SPEN: variants seen among roughly 807,000 people sequenced by gnomAD.
SPEN encodes the protein msx2-interacting protein.
In SPEN, 18 loss-of-function variants were observed where a neutral mutation model predicts 269.9. The observed-to-expected ratio is 0.07, with a 90% CI of 0.05 to 0.10. The LOEUF is 0.10. Among genes scored for constraint, SPEN ranks in the 10% least tolerant of loss-of-function variants. The probability of loss-of-function intolerance (pLI) is 1.00; values close to 1 mark genes in which losing one functional copy is unlikely to be tolerated. For synonymous variants in SPEN, 1,726 were observed against 1,765.7 expected (o/e 0.98, Z 0.56); for missense variants, 3,822 against 4,631.2 (o/e 0.83, Z 5.07).
At chr1:15,866,994 A>T (rs149468028) in intron 1 of SPEN, among the ~76,000 whole-genome samples, 1 of 152,320 alleles carries the variant, frequency 6.6e-6, no homozygotes, top group East Asian at 1.9e-4. Context: ...TTAAGCTGTA[A>T]CTCATAAACC....
chr1:15,849,201 A>G (rs2070308451), intron 1 of SPEN, among the ~76,000 whole-genome samples: 1 of 152,228 alleles, frequency 6.6e-6, no homozygotes. Context: ...GTTGTCCTCG[A>G]AAATGACAGT....
chr1:15,932,382 G>T lies in SPEN; in HGVS notation c.6142G>T (p.Ala2048Ser). 6.2e-7 allele frequency: 1 copy of T among 1,614,134 alleles called. No individual in the cohort carries two copies. The highest frequency in any genetic ancestry group is 8.5e-7 in the Non-Finnish European group (1 of 1,180,024). ...TGAACAGAAACGTGACAGAAAAGAT[G>T]CTGGCACAGACAAAAACCCCCCTGA... The part of the protein sequence containing the change: ...GSEQKRDRKD[A>S]GTDKNPPETA... The change falls in exon 11 of 15, where the codon GCT becomes TCT. Residue 2048 changes from alanine (A) to serine (S), a missense_variant. Ala to Ser is a moderately conservative substitution (Grantham distance 99, BLOSUM62 1). Transcript: ENST00000375759. The surrounding 1 kb of genome is among the most constrained non-coding windows in gnomAD (Gnocchi z 4.2).
intron 1 of SPEN, among the ~76,000 whole-genome samples, chr1:15,869,927 C>T (rs938169653): frequency 9.2e-5 from 14 of 151,632 alleles, no homozygotes; most frequent in African/African-American, 1.9e-4. Context: ...AGTGCAGTGG[C>T]GTGGTCTTGT....
chr1:15,851,200 C>T (rs1185129366), intron 1 of SPEN, among the ~76,000 whole-genome samples: 1 of 152,050 alleles, frequency 6.6e-6, no homozygotes, highest in Non-Finnish European at 1.5e-5. Flanking sequence ...GGGTGGATGG[C>T]GATTTGGCTT....
At chr1:15,891,391 G>A (rs935451259) in intron 3 of SPEN, among the ~76,000 whole-genome samples, 43 of 146,692 alleles carry the variant, frequency 2.9e-4, no homozygotes, top group Non-Finnish European at 2.5e-4. Flanking sequence ...TGGCTCTGTC[G>A]CCCAGGCTGG....
rs138629522 is a variant in SPEN, at chr1:15,936,179, C to T, written c.9939C>T (p.Thr3313=). The T allele has an allele frequency of 1.9e-5, 31 of 1,602,376 alleles. No homozygotes were observed. In the African/African-American group the frequency reaches 4.0e-4, roughly 21 times the overall value. Residue 3313 remains threonine (T), a synonymous_variant, in exon 11 of 15, where the codon ACC becomes ACT. Coordinates refer to ENST00000375759, the MANE Select transcript of SPEN (RefSeq NM_015001.3). ...FQEYRYGDIR[T]YHPPAQLTHT... ...AGTACCGGTACGGCGACATCCGCACCTACCACCCCCCGGCCCAGCTCACAC... is the reference window on the plus strand; with the variant it reads ...AGTACCGGTACGGCGACATCCGCACTTACCACCCCCCGGCCCAGCTCACAC...
chr1:15,933,416 C>G lies in SPEN; in HGVS notation c.7176C>G (p.Ser2392=). 6.2e-7 allele frequency: 1 copy of G among 1,614,128 alleles called. No individual in the cohort carries two copies. Among genetic ancestry groups the G allele is most frequent in the Non-Finnish European group, 8.5e-7 (1 of 1,180,024 alleles). ...QEEKQSEKPH[S]TPPQSCTSDL... The stretch of plus-strand genomic sequence containing the variant: ...AAAAGCAGAGTGAGAAACCCCATTC[C>G]ACTCCTCCTCAGTCATGTACTTCTG... The change falls in exon 11 of 15, where the codon TCC becomes TCG. Residue 2392 remains serine (S), a synonymous_variant. Transcript: ENST00000375759. This position sits in a 1 kb window ranked among gnomAD's most constrained non-coding sequence, Gnocchi z 5.7.
intron 5 of SPEN, among the ~76,000 whole-genome samples, chr1:15,914,106 G>C (rs940661872): frequency 1.1e-4 from 17 of 152,174 alleles, no homozygotes; most frequent in African/African-American, 3.6e-4. Context: ...TATGGAGACA[G>C]CTATTATGAG....
chr1:15,932,440 C>T lies in SPEN; in HGVS notation c.6200C>T (p.Pro2067Leu), dbSNP rs546998631. Residue 2067 changes from proline (P) to leucine (L), a missense_variant, in exon 11 of 15, where the codon CCG becomes CTG. By Grantham distance (98) the Pro-to-Leu change is moderately conservative. Transcript: ENST00000375759. The surrounding 1 kb of genome is among the most constrained non-coding windows in gnomAD (Gnocchi z 4.2). ...TAPVEVVEKK[P>L]APEKNSKSKR... ...CCTGTTGAAGTTGTAGAGAAAAAACCGGCCCCTGAAAAAAACTCCAAATCA... is the reference window on the plus strand; with the variant it reads ...CCTGTTGAAGTTGTAGAGAAAAAACTGGCCCCTGAAAAAAACTCCAAATCA... 9.2e-4 allele frequency: 1,482 copies of T among 1,613,280 alleles called. 24 individuals carry two copies. The South Asian group carries it at 0.013, about 14-fold the overall frequency.
At chr1:15,863,235 A>T (rs1017325650) in intron 1 of SPEN, among the ~76,000 whole-genome samples, 3 of 151,958 alleles carry the variant, frequency 2.0e-5, no homozygotes, top group South Asian at 2.1e-4. Flanking sequence ...GGTGACAGTG[A>T]CGCTGTCTCA....
At chr1:15,922,192 A>G in intron 9 of SPEN, 57 bp from the exon 10 acceptor site, 1 of 1,308,760 alleles carries the variant, frequency 7.6e-7, no homozygotes, top group Non-Finnish European at 1.1e-6. Context: ...ATCTGATAAC[A>G]TTTTTCCATC....
At chr1:15,892,125 A>G (rs1265825116) in intron 3 of SPEN, among the ~76,000 whole-genome samples, 1 of 139,908 alleles carries the variant, frequency 7.1e-6, no homozygotes, top group Admixed American at 8.2e-5. Flanking sequence ...GGTTCACGTC[A>G]TTCTCCTGCC....
Position 15,939,321 on chromosome 1 carries a change from C to T in SPEN, c.10889C>T (p.Pro3630Leu). The change falls in exon 15 of 15, where the codon CCG becomes CTG. Residue 3630 changes from proline (P) to leucine (L), a missense_variant. Pro to Leu is a moderately conservative substitution (Grantham distance 98). This residue lies in a region of SPEN where 103 missense variants were observed against 215.8 expected (regional missense o/e 0.48). Coordinates refer to ENST00000375759, the MANE Select transcript of SPEN (RefSeq NM_015001.3). The surrounding 1 kb of genome is among the most constrained non-coding windows in gnomAD (Gnocchi z 4.1). ...CCTGCCTACGTGCTGCAGATCTTCC[C>T]GCCCTGTGAGTTCTCTGAGAGTCAC... ...NQPAYVLQIF[P>L]PCEFSESHLS... 1 of 1,600,946 alleles carries T rather than the reference C, an allele frequency of 6.2e-7. No homozygotes were observed. The highest frequency in any genetic ancestry group is 8.5e-7 in the Non-Finnish European group (1 of 1,173,320).
intron 4 of SPEN, 76 bp from the exon 5 acceptor site, chr1:15,911,024 TA>T: frequency 8.0e-7 from 1 of 1,256,000 alleles, no homozygotes; most frequent in Non-Finnish European, 1.1e-6. Context: ...AAAATCAGGC[TA>T]AAGATTTAGT....
intron 1 of SPEN, among the ~76,000 whole-genome samples, chr1:15,859,620 C>T (rs1169488488): frequency 3.3e-5 from 5 of 151,902 alleles, no homozygotes; most frequent in South Asian, 2.1e-4. Context: ...CCGCCCGCCT[C>T]GGCCTCCCAA....
At position 15,932,298 on chromosome 1, in the gene SPEN, C is replaced by G. The variant is rs752207572; in HGVS notation, c.6058C>G (p.Gln2020Glu). The G allele has an allele frequency of 5.2e-5, 83 of 1,607,060 alleles. No homozygotes were observed. Among genetic ancestry groups the G allele is most frequent in the Non-Finnish European group, 6.6e-5 (78 of 1,177,450 alleles). ...RPEATTEVGP[Q>E]IGVKESSMEP... ...TGAGGCCACCACTGAGGTGGGCCCCCAAATAGGCGTGAAAGAGAGCTCCAT... is the reference window on the plus strand; with the variant it reads ...TGAGGCCACCACTGAGGTGGGCCCCGAAATAGGCGTGAAAGAGAGCTCCAT... Residue 2020 changes from glutamine to glutamate, a missense_variant, in exon 11 of 15, where the codon CAA (glutamine) becomes GAA (glutamate). By Grantham distance (29) the Gln-to-Glu change is conservative. This residue lies in a region of SPEN where 727 missense variants were observed against 737.9 expected (regional missense o/e 0.99). Coordinates refer to ENST00000375759, the MANE Select transcript of SPEN (RefSeq NM_015001.3). The surrounding 1 kb of genome is among the most constrained non-coding windows in gnomAD (Gnocchi z 4.2).
In SPEN at chr1:15,930,495, G is replaced by C; in HGVS notation, c.4255G>C (p.Asp1419His). Residue 1419 changes from aspartate to histidine, a missense_variant, in exon 11 of 15, where the codon GAT becomes CAT. Coordinates refer to ENST00000375759, the MANE Select transcript of SPEN (RefSeq NM_015001.3). The surrounding 1 kb of genome is among the most constrained non-coding windows in gnomAD (Gnocchi z 5.3). ...CAGAGAAGACAAGCTACGTGAGCGA[G>C]ATGAAAGACTCTCTAGTTCTTTAGA... ...RDREDKLRER[D>H]ERLSSSLERN... 5.6e-6 allele frequency: 9 copies of C among 1,614,196 alleles called. No individual in the cohort carries two copies. The highest frequency in any genetic ancestry group is 6.8e-6 in the Non-Finnish European group (8 of 1,180,046).
chr1:15,872,445 A>G (rs1194954052), intron 1 of SPEN, among the ~76,000 whole-genome samples: 1 of 151,824 alleles, frequency 6.6e-6, no homozygotes, highest in African/African-American at 2.4e-5. Flanking sequence ...ACAAAAATAC[A>G]AAAAATTAGC....
At chr1:15,920,826 A>G in intron 8 of SPEN, 44 bp from the exon 9 acceptor site, 4 of 1,129,994 alleles carry the variant, frequency 3.5e-6, no homozygotes, top group Middle Eastern at 2.0e-4. Flanking sequence ...CACTAAGTCC[A>G]GTGGATGAGG....
Sources: gnomAD v4.1 joint callset for allele counts (sites outside exome capture counted in the v4.1 genomes callset) on GRCh38, gnomAD v4.1.1 for gene constraint, gnomAD v4.1.1 regional missense constraint, Gnocchi (gnomAD v3.1) non-coding constraint, MANE v1.5 for transcripts, NCBI Gene and HGNC (gene_info 2026-07-23, HGNC 2026-07-21) for gene names.